Variants in CPNE4 observed in about 807,000 individuals in gnomAD.
The protein encoded by CPNE4 is copine 4.
CPNE4 carries 25 observed loss-of-function variants against 67.9 expected under a neutral mutation model. The ratio of observed to expected loss-of-function variants is 0.37; its 90% CI spans 0.27 to 0.51. The LOEUF (loss-of-function observed/expected upper bound fraction) is 0.51, where lower values mean the gene tolerates loss of function less well. Ranked by LOEUF, CPNE4 falls within the 20% of genes least tolerant of loss-of-function variation. The probability of loss-of-function intolerance (pLI) is 0.93; values close to 1 mark genes in which losing one functional copy is unlikely to be tolerated. For missense variants in CPNE4, 464 were observed against 690.8 expected (o/e 0.67, Z 3.68); for synonymous variants, 242 against 244.9 (o/e 0.99, Z 0.11).
intron 1 of CPNE4, among the ~76,000 whole-genome samples, chr3:131,915,662 C>T (rs990978797): frequency 6.6e-6 from 1 of 152,136 alleles, no homozygotes; most frequent in Non-Finnish European, 1.5e-5. Flanking sequence ...ACATACCATA[C>T]CAAATCTCTC....
chr3:131,997,019 T>C (rs1194369669), intron 1 of CPNE4, among the ~76,000 whole-genome samples: 1 of 152,072 alleles, frequency 6.6e-6, no homozygotes, highest in African/African-American at 2.4e-5. Context: ...GGAGGGGCCA[T>C]ATAAATGCTA....
intron 6 of CPNE4, among the ~76,000 whole-genome samples, chr3:131,678,680 T>C (rs1195034351): frequency 6.6e-6 from 1 of 152,218 alleles, no homozygotes; most frequent in Non-Finnish European, 1.5e-5. Flanking sequence ...CTTTTCTGCA[T>C]CTATTGAGGT....
intron 10 of CPNE4, among the ~76,000 whole-genome samples, chr3:131,568,312 T>C (rs149903701): frequency 6.8e-4 from 104 of 152,106 alleles, no homozygotes; most frequent in African/African-American, 2.4e-3. Flanking sequence ...TCTTTAAAGT[T>C]AGCATTAGTA....
At chr3:131,648,358 G>A (rs936565241) in intron 7 of CPNE4, among the ~76,000 whole-genome samples, 5 of 152,188 alleles carry the variant, frequency 3.3e-5, no homozygotes, top group Admixed American at 3.3e-4. Flanking sequence ...GGGCAACAGA[G>A]CAAGACCCTG....
At chr3:131,793,289 C>T (rs1052376885) in intron 2 of CPNE4, among the ~76,000 whole-genome samples, 4 of 152,138 alleles carry the variant, frequency 2.6e-5, no homozygotes, top group African/African-American at 9.7e-5. Flanking sequence ...TACACAGGAT[C>T]AAGAGGGAAA....
At chr3:131,650,352 A>G (rs1429169915) in intron 7 of CPNE4, among the ~76,000 whole-genome samples, 1 of 152,136 alleles carries the variant, frequency 6.6e-6, no homozygotes, top group Non-Finnish European at 1.5e-5. Flanking sequence ...CATGACTACT[A>G]GAGGGTGAGA....
intron 2 of CPNE4, among the ~76,000 whole-genome samples, chr3:131,821,552 A>G (rs1164532674): frequency 1.3e-5 from 2 of 152,224 alleles, no homozygotes; most frequent in Non-Finnish European, 2.9e-5. Context: ...TGCCACAGCT[A>G]TATCAGGAAC....
At chr3:131,615,929 G>A (rs111979721) in intron 7 of CPNE4, among the ~76,000 whole-genome samples, 1,528 of 77,694 alleles carry the variant, frequency 0.02, 18 homozygotes, top group African/African-American at 0.09. Context: ...ACACACACAC[G>A]CACACACACA....
At chr3:131,741,655 A>G (rs886212227) in intron 2 of CPNE4, among the ~76,000 whole-genome samples, 6 of 151,530 alleles carry the variant, frequency 4.0e-5, no homozygotes, top group Non-Finnish European at 5.9e-5. Flanking sequence ...TACTTTAATT[A>G]TAATTATAAT....
At chr3:131,997,843 CA>C (rs745709977) in intron 1 of CPNE4, among the ~76,000 whole-genome samples, 11 of 152,028 alleles carry the variant, frequency 7.2e-5, no homozygotes, top group Non-Finnish European at 8.8e-5. Context: ...TTGCAAGCAG[CA>C]GAGAAAGGTA....
chr3:132,014,391 C>G (rs1437868748), intron 1 of CPNE4, among the ~76,000 whole-genome samples: 3 of 152,016 alleles, frequency 2.0e-5, no homozygotes, highest in African/African-American at 7.2e-5. Context: ...GGGCAGGGAA[C>G]AAGCACCCTG....
At chr3:132,031,598 G>A (rs1022415801) in intron 1 of CPNE4, among the ~76,000 whole-genome samples, 1 of 152,168 alleles carries the variant, frequency 6.6e-6, no homozygotes, top group Non-Finnish European at 1.5e-5. Flanking sequence ...ACACAACACT[G>A]ACGGCTCATC....
upstream of CPNE4, among the ~76,000 whole-genome samples, chr3:132,039,154 T>C (rs2107712209): frequency 6.6e-6 from 1 of 152,364 alleles, no homozygotes; most frequent in South Asian, 2.1e-4. Context: ...TTTTGTTATA[T>C]AGCACTGATC....
At chr3:131,585,908 A>T (rs1050884767) in intron 8 of CPNE4, among the ~76,000 whole-genome samples, 2 of 152,144 alleles carry the variant, frequency 1.3e-5, no homozygotes, top group African/African-American at 4.8e-5. Context: ...TGTAATGCTG[A>T]GTACCTAACA....
chr3:131,567,376 T>C (rs1298430983), intron 10 of CPNE4, among the ~76,000 whole-genome samples: 1 of 151,884 alleles, frequency 6.6e-6, no homozygotes, highest in Non-Finnish European at 1.5e-5. Flanking sequence ...TGGACAAGCA[T>C]ACATAGATTG....
intron 6 of CPNE4, among the ~76,000 whole-genome samples, chr3:131,674,784 T>A (rs2080517507): frequency 6.6e-6 from 1 of 151,944 alleles, no homozygotes; most frequent in Non-Finnish European, 1.5e-5. Flanking sequence ...TTGATTTTTT[T>A]ATTATTTTCT....
rs773359104 is a variant in CPNE4 at position 131,575,139 on chromosome 3, G to A, written c.868-9C>T. 2.9e-5 allele frequency: 47 copies of A among 1,611,630 alleles called. No individual in the cohort carries two copies. In the East Asian group the frequency reaches 1.0e-3, roughly 34 times the overall value. On this transcript the variant is annotated splice_polypyrimidine_tract_variant and intron_variant, in intron 9 of 15. Coordinates refer to ENST00000429747, the MANE Select transcript of CPNE4 (RefSeq NM_130808.3). Reference sequence around the variant, plus strand: ...GAATGCATCTTGTGAATCTGCATAGGAGGGGAGAGGAAACTGGGTTAATAA... The same window carrying A: ...GAATGCATCTTGTGAATCTGCATAGAAGGGGAGAGGAAACTGGGTTAATAA...
chr3:132,035,670 A>C (rs1560824645), upstream of CPNE4, among the ~76,000 whole-genome samples: 1 of 152,218 alleles, frequency 6.6e-6, no homozygotes, highest in East Asian at 1.9e-4. Flanking sequence ...TTCCTATTTC[A>C]AACTTATTCA....
At chr3:131,714,231 C>T (rs906747508) in intron 3 of CPNE4, among the ~76,000 whole-genome samples, 4 of 152,110 alleles carry the variant, frequency 2.6e-5, no homozygotes, top group Non-Finnish European at 4.4e-5. Context: ...AGCAACCTGG[C>T]TCATCCCGAC....
Sources: gnomAD v4.1 joint callset for allele counts (sites outside exome capture counted in the v4.1 genomes callset) on GRCh38, gnomAD v4.1.1 for gene constraint, MANE v1.5 for transcripts, NCBI Gene and HGNC (gene_info 2026-07-23, HGNC 2026-07-21) for gene names.